Variants in GLRA1 observed in about 807,000 individuals in gnomAD.
GLRA1 encodes glycine receptor alpha 1.
In GLRA1, 37 loss-of-function variants were observed where a neutral mutation model predicts 48.3. That is an observed-to-expected ratio of 0.77 (90% CI 0.59 to 1.01). The LOEUF is 1.01. GLRA1 is among the 50% of genes least tolerant of loss of function. GLRA1 has a pLI of 0.00. For missense variants in GLRA1, 427 were observed against 571.0 expected (o/e 0.75, Z 2.57); for synonymous variants, 196 against 210.7 (o/e 0.93, Z 0.60).
At chr5:151,831,125 T>A (rs894189528) in intron 7 of GLRA1, among the ~76,000 whole-genome samples, 37 of 152,232 alleles carry the variant, frequency 2.4e-4, no homozygotes, top group African/African-American at 8.9e-4. Context: ...CCCCAGATAC[T>A]ACTCTTTTCC....
At chr5:151,921,143 A>T (rs1442610320) in intron 1 of GLRA1, among the ~76,000 whole-genome samples, 1 of 152,210 alleles carries the variant, frequency 6.6e-6, no homozygotes, top group Non-Finnish European at 1.5e-5. Flanking sequence ...AAAGCTGATC[A>T]TCTTTTGGGA....
chr5:151,837,220 A>C (rs1763601002), intron 7 of GLRA1, among the ~76,000 whole-genome samples: 1 of 152,228 alleles, frequency 6.6e-6, no homozygotes, highest in Non-Finnish European at 1.5e-5. Context: ...CAAGCTCATC[A>C]CCACTGGTCA....
Position 151,851,603 on chromosome 5 carries a change from A to T in GLRA1, c.699T>A (p.Gly233=). The T allele has an allele frequency of 6.2e-7, 1 of 1,609,862 alleles. No individual in the cohort carries two copies. The highest frequency in any genetic ancestry group is 8.5e-7 in the Non-Finnish European group (1 of 1,176,138). The change falls in exon 7 of 9, where the codon GGT becomes GGA. Residue 233 remains glycine, a splice_region_variant and synonymous_variant. Coordinates refer to ENST00000274576, the MANE Select transcript of GLRA1 (RefSeq NM_000171.4). ...LRYCTKHYNT[G]KFTCIEARFH... ...ACCGGGCCTCAATGCAGGTGAATTT[A>T]CCTGCAAGAAATTGCAGTGAGAAGG...
chr5:151,897,182 C>A (rs1415097325), intron 1 of GLRA1, among the ~76,000 whole-genome samples: 1 of 152,158 alleles, frequency 6.6e-6, no homozygotes, highest in Admixed American at 6.5e-5. Context: ...ACTTGATAAT[C>A]CTTGTACATT....
chr5:151,829,778 C>G (rs1270606637), intron 7 of GLRA1, among the ~76,000 whole-genome samples: 1 of 152,190 alleles, frequency 6.6e-6, no homozygotes, highest in African/African-American at 2.4e-5. Context: ...TTCCCCCAGC[C>G]ATAAACAACC....
chr5:151,907,926 C>A (rs193130592), intron 1 of GLRA1, among the ~76,000 whole-genome samples: 1 of 152,324 alleles, frequency 6.6e-6, no homozygotes, highest in Admixed American at 6.5e-5. Flanking sequence ...CTCCCTTGGG[C>A]ACATTCTCTA....
intron 1 of GLRA1, among the ~76,000 whole-genome samples, chr5:151,912,047 G>A (rs953495713): frequency 3.3e-5 from 5 of 152,176 alleles, no homozygotes; most frequent in Admixed American, 2.0e-4. Context: ...TAGTTACAAA[G>A]TTAGAGCAGA....
intron 7 of GLRA1, among the ~76,000 whole-genome samples, chr5:151,835,968 G>C (rs1763568797): frequency 6.6e-6 from 1 of 152,106 alleles, no homozygotes; most frequent in Non-Finnish European, 1.5e-5. Context: ...AGGGCAGTCA[G>C]GCAAGAGAAA....
chr5:151,898,301 A>T (rs1231669406), intron 1 of GLRA1, among the ~76,000 whole-genome samples: 1 of 150,918 alleles, frequency 6.6e-6, no homozygotes, highest in East Asian at 1.9e-4. Context: ...GTTCTTCCTC[A>T]CCTAGTCTCA....
At chr5:151,904,076 G>C (rs557426738) in intron 1 of GLRA1, among the ~76,000 whole-genome samples, 1 of 152,148 alleles carries the variant, frequency 6.6e-6, no homozygotes, top group Non-Finnish European at 1.5e-5. Context: ...GGAGAATTCA[G>C]GAAAAGTATC....
intron 7 of GLRA1, among the ~76,000 whole-genome samples, chr5:151,844,420 G>A (rs2113323834): frequency 6.6e-6 from 1 of 151,872 alleles, no homozygotes; most frequent in African/African-American, 2.4e-5. Context: ...TCAGAAGTTC[G>A]AGGCCAGGCT....
At position 151,851,380 on chromosome 5, in the gene GLRA1, T is replaced by TG; in HGVS notation, c.912+9dup. On this transcript the variant is annotated intron_variant, in intron 7 of 8. Transcript: ENST00000274576. ...CCAGGTGTTCTGTGCTCTTGGGCAATGGGACTTACCTTGGGCAGAGATGCT... is the reference window on the plus strand; with the variant it reads ...CCAGGTGTTCTGTGCTCTTGGGCAATGGGGACTTACCTTGGGCAGAGATGCT... 1.3e-6 allele frequency: 2 copies of TG among 1,597,706 alleles called. No individual in the cohort carries two copies. Among genetic ancestry groups the TG allele is most frequent in the Non-Finnish European group, 1.7e-6 (2 of 1,166,090 alleles).
chr5:151,876,156 A>G (rs1422413575), intron 3 of GLRA1, among the ~76,000 whole-genome samples: 1 of 152,172 alleles, frequency 6.6e-6, no homozygotes, highest in African/African-American at 2.4e-5. Context: ...CTGAAATTAC[A>G]TTCCCTAATT....
intron 1 of GLRA1, among the ~76,000 whole-genome samples, chr5:151,906,646 A>G (rs1249852841): frequency 6.6e-6 from 1 of 152,166 alleles, no homozygotes; most frequent in Non-Finnish European, 1.5e-5. Context: ...GAGTATTTTT[A>G]TTTTCCAGAC....
At chr5:151,858,693 C>A (rs1376718810) in intron 4 of GLRA1, among the ~76,000 whole-genome samples, 4 of 152,002 alleles carry the variant, frequency 2.6e-5, no homozygotes, top group Admixed American at 2.6e-4. Flanking sequence ...TCAGGAAAGA[C>A]CGAGTTCAGT....
chr5:151,848,018 A>G (rs1752724730), intron 7 of GLRA1, among the ~76,000 whole-genome samples: 1 of 152,248 alleles, frequency 6.6e-6, no homozygotes, highest in African/African-American at 2.4e-5. Flanking sequence ...AGTTAACAGC[A>G]AATGTGGTGT....
intron 7 of GLRA1, chr5:151,849,834 A>T (rs565257079): frequency 2.4e-5 from 31 of 1,314,632 alleles, no homozygotes; most frequent in Non-Finnish European, 3.1e-5. Flanking sequence ...GATTACAGGC[A>T]TGAGCCACCA....
chr5:151,892,568 G>T, intron 1 of GLRA1, 130 bp from the exon 2 acceptor site: 1 of 948,592 alleles, frequency 1.1e-6, no homozygotes, highest in South Asian at 1.4e-5. Context: ...GGTAATATGG[G>T]TCCTTAATGA....
In GLRA1 at chr5:151,855,239, G is replaced by A. The variant is rs375411309; in HGVS notation, c.560-62C>T. 3.9e-6 allele frequency: 6 copies of A among 1,537,416 alleles called. No individual in the cohort carries two copies. The African/African-American group carries it at 5.5e-5, about 14-fold the overall frequency. Reference sequence around the variant, plus strand: ...AGAAGCACTTGTTTGAAGCATGTCAGGATTGGTTAGGGTTAGAGACTGAGA... The same window carrying A: ...AGAAGCACTTGTTTGAAGCATGTCAAGATTGGTTAGGGTTAGAGACTGAGA... On this transcript the variant is annotated intron_variant, in intron 5 of 8. Transcript: ENST00000274576.
Sources: allele counts gnomAD v4.1 joint callset (sites outside exome capture counted in the v4.1 genomes callset), GRCh38; gene constraint gnomAD v4.1.1; transcripts MANE v1.5; gene names NCBI Gene and HGNC (gene_info 2026-07-23, HGNC 2026-07-21).